Variants in CA10 observed in about 807,000 individuals in gnomAD.
The protein encoded by CA10 is carbonic anhydrase-related protein 10.
Under a neutral mutation model 44.2 loss-of-function variants are expected in CA10, and 14 were observed. The ratio of observed to expected loss-of-function variants is 0.32; its 90% CI spans 0.21 to 0.50. The LOEUF (loss-of-function observed/expected upper bound fraction) is 0.50, where lower values mean the gene tolerates loss of function less well. Among genes scored for constraint, CA10 ranks in the 20% least tolerant of loss-of-function variants. The pLI is 0.99. For synonymous variants in CA10, 159 were observed against 141.6 expected (o/e 1.12, Z -0.87); for missense variants, 350 against 409.7 (o/e 0.85, Z 1.26).
At chr17:52,145,750 T>A (rs547785360) in intron 1 of CA10, among the ~76,000 whole-genome samples, 63 of 152,332 alleles carry the variant, frequency 4.1e-4, no homozygotes, top group African/African-American at 1.5e-3. Context: ...TTAGTCACTA[T>A]TCTACATACT....
chr17:51,842,478 C>A (rs1256091311), intron 3 of CA10, among the ~76,000 whole-genome samples: 1 of 152,172 alleles, frequency 6.6e-6, no homozygotes, highest in Non-Finnish European at 1.5e-5. Context: ...TTGAGCACTG[C>A]ACCATGTCAG....
At chr17:51,941,258 T>C (rs1983066814) in intron 2 of CA10, among the ~76,000 whole-genome samples, 1 of 152,162 alleles carries the variant, frequency 6.6e-6, no homozygotes, top group Non-Finnish European at 1.5e-5. Context: ...CTCCTCAATA[T>C]TTTGCTTTCT....
chr17:52,112,345 C>T (rs1988804635), intron 1 of CA10, among the ~76,000 whole-genome samples: 1 of 152,178 alleles, frequency 6.6e-6, no homozygotes, highest in Non-Finnish European at 1.5e-5. Flanking sequence ...TGGACCAAAT[C>T]TCTCTTCTGC....
intron 6 of CA10, among the ~76,000 whole-genome samples, chr17:51,643,258 GTTAA>G (rs1913173219): frequency 6.6e-6 from 1 of 151,952 alleles, no homozygotes; most frequent in Non-Finnish European, 1.5e-5. Context: ...TTGGGATTCT[GTTAA>G]TTAATGCCAA....
intron 1 of CA10, among the ~76,000 whole-genome samples, chr17:52,110,649 T>C (rs925000874): frequency 2.0e-5 from 3 of 152,178 alleles, no homozygotes; most frequent in Non-Finnish European, 4.4e-5. Flanking sequence ...AGCTGAACTC[T>C]AGCTTCAGCC....
At chr17:51,709,540 G>C (rs1915865811) in intron 4 of CA10, among the ~76,000 whole-genome samples, 2 of 152,170 alleles carry the variant, frequency 1.3e-5, no homozygotes, top group South Asian at 2.1e-4. Context: ...ATAGATGGTG[G>C]ACCCCACCTC....
chr17:52,099,661 C>T (rs1988490355), intron 1 of CA10, among the ~76,000 whole-genome samples: 1 of 152,168 alleles, frequency 6.6e-6, no homozygotes, highest in African/African-American at 2.4e-5. Flanking sequence ...ACTCAATGTG[C>T]TGTCGGGCAA....
At chr17:52,068,813 TG>T (rs1168496952) in intron 2 of CA10, among the ~76,000 whole-genome samples, 1 of 152,246 alleles carries the variant, frequency 6.6e-6, no homozygotes, top group African/African-American at 2.4e-5. Flanking sequence ...TCTCCTTACA[TG>T]GCATGAATAG....
chr17:51,790,004 A>G (rs1181584640), intron 3 of CA10, among the ~76,000 whole-genome samples: 1 of 152,172 alleles, frequency 6.6e-6, no homozygotes, highest in African/African-American at 2.4e-5. Flanking sequence ...TGCCAGCAGC[A>G]GCCAGCTCCA....
At chr17:52,101,926 T>A (rs920231012) in intron 1 of CA10, among the ~76,000 whole-genome samples, 1 of 152,186 alleles carries the variant, frequency 6.6e-6, no homozygotes, top group African/African-American at 2.4e-5. Flanking sequence ...ATTTTTTTTC[T>A]CTTTCTCTTC....
At chr17:52,049,695 G>A (rs1446838511) in intron 2 of CA10, among the ~76,000 whole-genome samples, 2 of 152,062 alleles carry the variant, frequency 1.3e-5, no homozygotes, top group Non-Finnish European at 2.9e-5. Context: ...AGACAAATGT[G>A]TATGTCCCCT....
At chr17:52,143,631 G>A (rs1317084230) in intron 1 of CA10, among the ~76,000 whole-genome samples, 1 of 152,156 alleles carries the variant, frequency 6.6e-6, no homozygotes, top group African/African-American at 2.4e-5. Context: ...AAAGCTACTG[G>A]ATCTCATTAA....
chr17:51,870,215 T>C (rs1979739804), intron 3 of CA10, among the ~76,000 whole-genome samples: 1 of 152,214 alleles, frequency 6.6e-6, no homozygotes, highest in Non-Finnish European at 1.5e-5. Flanking sequence ...ACTTATACAG[T>C]TAGCAGCCCC....
chr17:52,020,594 G>T (rs1159001287), intron 2 of CA10, among the ~76,000 whole-genome samples: 1 of 151,760 alleles, frequency 6.6e-6, no homozygotes, highest in African/African-American at 2.4e-5. Flanking sequence ...TTTCAAAATT[G>T]CTGTAATTTG....
At chr17:52,115,635 G>T (rs1988877620) in intron 1 of CA10, among the ~76,000 whole-genome samples, 1 of 152,220 alleles carries the variant, frequency 6.6e-6, no homozygotes, top group Non-Finnish European at 1.5e-5. Context: ...TGCATGCACA[G>T]GACAGATGGG....
At chr17:51,980,021 T>C (rs1984598355) in intron 2 of CA10, among the ~76,000 whole-genome samples, 1 of 152,154 alleles carries the variant, frequency 6.6e-6, no homozygotes, top group African/African-American at 2.4e-5. Context: ...GTTAGAATGA[T>C]CTATATTCTT....
chr17:52,085,738 G>A (rs1462602704), intron 1 of CA10, among the ~76,000 whole-genome samples: 3 of 152,230 alleles, frequency 2.0e-5, no homozygotes, highest in Admixed American at 1.3e-4. Flanking sequence ...TAGGTGCCCT[G>A]TAAATGTATT....
At chr17:51,998,855 C>T (rs1018213801) in intron 2 of CA10, among the ~76,000 whole-genome samples, 1 of 151,994 alleles carries the variant, frequency 6.6e-6, no homozygotes, top group Non-Finnish European at 1.5e-5. Flanking sequence ...AGTCTCTCCA[C>T]CTCTTCTCTC....
intron 4 of CA10, among the ~76,000 whole-genome samples, chr17:51,666,847 G>T (rs1367044688): frequency 6.6e-6 from 1 of 152,074 alleles, no homozygotes; most frequent in South Asian, 2.1e-4. Context: ...TGAAAAATTG[G>T]GAAAAGCACC....
Sources: allele counts gnomAD v4.1 joint callset (sites outside exome capture counted in the v4.1 genomes callset), GRCh38; gene constraint gnomAD v4.1.1; transcripts MANE v1.5; gene names NCBI Gene and HGNC (gene_info 2026-07-23, HGNC 2026-07-21).